LPXN: variants seen among roughly 807,000 people sequenced by gnomAD.
LPXN encodes leupaxin.
LPXN carries 28 observed loss-of-function variants against 45.6 expected under a neutral mutation model. The ratio of observed to expected loss-of-function variants is 0.61; its 90% confidence interval spans 0.45 to 0.84. LPXN has a LOEUF of 0.84. LPXN is among the 40% of genes least tolerant of loss of function. The pLI is 0.00. For missense variants in LPXN, 459 were observed against 475.0 expected (o/e 0.97, Z 0.31); for synonymous variants, 166 against 169.9 (o/e 0.98, Z 0.18).
intron 4 of LPXN, among the ~76,000 whole-genome samples, chr11:58,551,556 T>C (rs1382359964): frequency 2.0e-5 from 3 of 152,210 alleles, no homozygotes; most frequent in South Asian, 4.1e-4. Context: ...ACATCTCCCT[T>C]TTACTCATTT....
intron 7 of LPXN, among the ~76,000 whole-genome samples, chr11:58,529,607 CAA>C (rs11295701): frequency 2.4e-3 from 203 of 83,558 alleles, no homozygotes; most frequent in African/African-American, 8.1e-3. Context: ...GACTCTGTCT[CAA>C]AAAAAAAAAA....
At chr11:58,552,037 A>G (rs145009448) in intron 4 of LPXN, among the ~76,000 whole-genome samples, 30 of 152,338 alleles carry the variant, frequency 2.0e-4, no homozygotes, top group African/African-American at 7.2e-4. Flanking sequence ...TAGGAACCTC[A>G]TGGTAAACGC....
intron 7 of LPXN, among the ~76,000 whole-genome samples, chr11:58,530,783 T>G (rs1853364736): frequency 6.6e-6 from 1 of 152,188 alleles, no homozygotes; most frequent in African/African-American, 2.4e-5. Context: ...AGGGGCTAAC[T>G]GACACCTCAT....
Position 58,550,098 on chromosome 11 carries a change from T to C in LPXN, c.535A>G (p.Thr179Ala), listed in dbSNP as rs375408707. Reference protein sequence around the residue: ...QSWHPEHFVCTHCKEEIGSSP... With the variant: ...QSWHPEHFVCAHCKEEIGSSP... ...GAGCCAATCTCTTCTTTGCAATGAG[T>C]ACAGACAAAATGCTCAGGATGCCAT... The change falls in exon 6 of 9, where the codon ACT (threonine) becomes GCT (alanine). Residue 179 changes from threonine to alanine, a missense_variant. Transcript: ENST00000395074. The C allele has an allele frequency of 1.9e-6, 3 of 1,614,000 alleles. No individual in the cohort carries two copies. The highest frequency in any genetic ancestry group is 1.3e-5 in the African/African-American group (1 of 74,880).
At chr11:58,561,367 G>A (rs1360849899) in intron 3 of LPXN, among the ~76,000 whole-genome samples, 1 of 152,024 alleles carries the variant, frequency 6.6e-6, no homozygotes, top group Non-Finnish European at 1.5e-5. Flanking sequence ...TTAACAACAA[G>A]GAAAATATAA....
chr11:58,539,716 T>C (rs1210364921), intron 7 of LPXN, among the ~76,000 whole-genome samples: 1 of 152,184 alleles, frequency 6.6e-6, no homozygotes, highest in Non-Finnish European at 1.5e-5. Flanking sequence ...ATGAACCCAT[T>C]CATTACCCTT....
chr11:58,547,235 G>A (rs1363357297), intron 7 of LPXN, among the ~76,000 whole-genome samples: 1 of 152,116 alleles, frequency 6.6e-6, no homozygotes. Flanking sequence ...AATATGAGAG[G>A]AAGAGATTAT....
chr11:58,567,397 C>T (rs1249630580), intron 2 of LPXN, among the ~76,000 whole-genome samples: 2 of 152,114 alleles, frequency 1.3e-5, no homozygotes, highest in African/African-American at 2.4e-5. Flanking sequence ...AGAATTAATA[C>T]ATTTTTGAAT....
intron 7 of LPXN, among the ~76,000 whole-genome samples, chr11:58,548,198 T>G (rs978777162): frequency 3.3e-5 from 5 of 152,160 alleles, no homozygotes; most frequent in African/African-American, 1.2e-4. Context: ...ATTCAAGTTC[T>G]CAAAAATTCT....
At chr11:58,558,868 G>T (rs1400528109) in intron 3 of LPXN, among the ~76,000 whole-genome samples, 1 of 151,160 alleles carries the variant, frequency 6.6e-6, no homozygotes, top group Non-Finnish European at 1.5e-5. Flanking sequence ...GGGTAATGAA[G>T]GTTTTCCTAA....
intron 7 of LPXN, among the ~76,000 whole-genome samples, chr11:58,530,351 AATTT>A (rs1408371045): frequency 4.6e-5 from 7 of 152,264 alleles, no homozygotes; most frequent in Non-Finnish European, 1.0e-4. Context: ...GGGATACTAG[AATTT>A]GGTGGAGGGA....
chr11:58,578,026 C>A, upstream of LPXN: 2 of 1,550,806 alleles, frequency 1.3e-6, no homozygotes, highest in Non-Finnish European at 1.7e-6. Context: ...CACCGGAAGA[C>A]GAGATCAATA....
At chr11:58,543,578 T>G (rs1401041986) in intron 7 of LPXN, among the ~76,000 whole-genome samples, 1 of 152,178 alleles carries the variant, frequency 6.6e-6, no homozygotes, top group Non-Finnish European at 1.5e-5. Context: ...GGCTTTAGCC[T>G]CATTTAACAA....
intron 3 of LPXN, among the ~76,000 whole-genome samples, chr11:58,559,791 A>G (rs2120354100): frequency 6.6e-6 from 1 of 152,260 alleles, no homozygotes; most frequent in African/African-American, 2.4e-5. Flanking sequence ...TGAGAAAATA[A>G]CTTGAGCCCA....
intron 2 of LPXN, 96 bp downstream of exon 2, chr11:58,570,460 T>C: frequency 1.1e-6 from 1 of 918,578 alleles, no homozygotes; most frequent in South Asian, 2.3e-5. Context: ...TTGGATATAT[T>C]ATTCTCCTTT....
intron 7 of LPXN, among the ~76,000 whole-genome samples, chr11:58,530,743 G>C (rs552341111): frequency 6.6e-6 from 1 of 152,184 alleles, no homozygotes; most frequent in African/African-American, 2.4e-5. Context: ...TGTGGCCCCC[G>C]TGTCTCCTGA....
intron 7 of LPXN, among the ~76,000 whole-genome samples, chr11:58,540,750 A>C (rs1042428404): frequency 1.3e-5 from 2 of 152,178 alleles, no homozygotes; most frequent in Non-Finnish European, 2.9e-5. Context: ...CATATTAGAA[A>C]ATTCTTGGCT....
intron 3 of LPXN, among the ~76,000 whole-genome samples, chr11:58,558,881 T>G (rs1456040926): frequency 6.6e-6 from 1 of 151,762 alleles, no homozygotes; most frequent in Admixed American, 6.6e-5. Flanking sequence ...TTTCCTAAGA[T>G]GGACATAAAA....
At chr11:58,578,366 T>C (rs556179204), upstream of LPXN, 1 of 217,628 alleles carries the variant, frequency 4.6e-6, no homozygotes, top group Non-Finnish European at 9.4e-6. Context: ...CATCTATTTT[T>C]CCTAAAGCCT....
Sources: gnomAD v4.1 joint callset for allele counts (sites outside exome capture counted in the v4.1 genomes callset) on GRCh38, gnomAD v4.1.1 for gene constraint, MANE v1.5 for transcripts, NCBI Gene and HGNC (gene_info 2026-07-23, HGNC 2026-07-21) for gene names.